Variants in EXOC4 observed in about 807,000 individuals in gnomAD.
The protein encoded by EXOC4 is SEC8-like 1.
Under a neutral mutation model 107.2 loss-of-function variants are expected in EXOC4, and 71 were observed. The observed-to-expected ratio is 0.66, with a 90% confidence interval of 0.55 to 0.81. The LOEUF (loss-of-function observed/expected upper bound fraction) is 0.81. Ranked by LOEUF, EXOC4 falls within the 30% of genes least tolerant of loss-of-function variation. EXOC4 has a pLI of 0.00. For synonymous variants in EXOC4, 456 were observed against 441.2 expected (o/e 1.03, Z -0.42); for missense variants, 1,108 against 1,189.6 (o/e 0.93, Z 1.01).
At chr7:133,843,757 G>A (rs1798067544) in intron 11 of EXOC4, among the ~76,000 whole-genome samples, 1 of 152,070 alleles carries the variant, frequency 6.6e-6, no homozygotes, top group Non-Finnish European at 1.5e-5. Context: ...CAAGGGGAAG[G>A]CTTCCAGCTT....
At chr7:133,725,544 T>C (rs1249136695) in intron 10 of EXOC4, among the ~76,000 whole-genome samples, 1 of 152,022 alleles carries the variant, frequency 6.6e-6, no homozygotes, top group Non-Finnish European at 1.5e-5. Flanking sequence ...TCCAGCTAAT[T>C]TTTGTATTTT....
chr7:133,704,353 G>A (rs983328945), intron 10 of EXOC4, among the ~76,000 whole-genome samples: 1 of 152,034 alleles, frequency 6.6e-6, no homozygotes, highest in African/African-American at 2.4e-5. Flanking sequence ...TGTTCTTCAG[G>A]TCATATATGG....
chr7:133,335,241 A>G (rs183038755), intron 5 of EXOC4, among the ~76,000 whole-genome samples: 60 of 152,288 alleles, frequency 3.9e-4, no homozygotes, highest in African/African-American at 1.3e-3. Context: ...TACTGTGTCA[A>G]CCATTTCTAA....
chr7:133,323,454 A>G (rs978851810), intron 5 of EXOC4, among the ~76,000 whole-genome samples: 3 of 152,022 alleles, frequency 2.0e-5, no homozygotes, highest in African/African-American at 7.2e-5. Context: ...GCCTTTCTGG[A>G]TCTATTGAGA....
At chr7:133,517,460 T>C (rs1799898271) in intron 9 of EXOC4, among the ~76,000 whole-genome samples, 2 of 152,186 alleles carry the variant, frequency 1.3e-5, no homozygotes, top group African/African-American at 4.8e-5. Flanking sequence ...ATGCCGCTGA[T>C]AAAGGCATAC....
chr7:134,088,650 T>C, the EXOC4 span, among the ~76,000 whole-genome samples: 11 of 152,170 alleles, frequency 7.2e-5, no homozygotes, highest in African/African-American at 2.4e-4. Flanking sequence ...TCCAAAGTTA[T>C]CAGAAAACTG....
intron 13 of EXOC4, chr7:133,930,404 A>G (rs779704544): frequency 6.6e-6 from 1 of 152,232 alleles, no homozygotes; most frequent in Non-Finnish European, 1.5e-5. Context: ...AAACTCATAG[A>G]GCATTTCCAT....
At position 133,484,220 on chromosome 7, in the gene EXOC4, A is replaced by T. The variant is rs1316104092; in HGVS notation, c.1417+4082A>T. On this transcript the variant is annotated intron_variant, in intron 9 of 17. Coordinates refer to ENST00000253861, the MANE Select transcript of EXOC4 (RefSeq NM_021807.4). ...AAATGAGATTTCTTTGGTGTTATCA[A>T]TGCATCTCAATAGGCTCTAACTGTT... The T allele has an allele frequency of 5.5e-6, 8 of 1,460,540 alleles. No homozygotes were observed. In the East Asian group the frequency reaches 1.2e-4, roughly 23 times the overall value. 90.5% of individuals were successfully genotyped at this position (1,460,540 alleles called of 1,614,324 possible). A position where few individuals can be genotyped will look rare whatever the true frequency, so the allele number is the denominator to read the frequency against.
chr7:133,573,410 G>A (rs1801065513), intron 9 of EXOC4, among the ~76,000 whole-genome samples: 1 of 152,166 alleles, frequency 6.6e-6, no homozygotes, highest in Non-Finnish European at 1.5e-5. Context: ...CAGATAGTAT[G>A]CTTAGGATAG....
intron 9 of EXOC4, chr7:133,484,211 G>A (rs1799222626): frequency 2.0e-6 from 3 of 1,492,692 alleles, no homozygotes; most frequent in South Asian, 2.7e-5. Flanking sequence ...GATTTCTTTG[G>A]TGTTATCAAT....
intron 6 of EXOC4, among the ~76,000 whole-genome samples, chr7:133,360,567 A>C (rs28576604): frequency 1.4e-3 from 213 of 152,352 alleles, no homozygotes; most frequent in African/African-American, 4.8e-3. Context: ...TGTTATGAAG[A>C]AAAAGATTAA....
At chr7:133,460,217 C>G (rs1276181697) in intron 7 of EXOC4, among the ~76,000 whole-genome samples, 1 of 152,154 alleles carries the variant, frequency 6.6e-6, no homozygotes, top group Non-Finnish European at 1.5e-5. Flanking sequence ...ATGTGCAGTT[C>G]ACAGTAGGGT....
intron 9 of EXOC4, among the ~76,000 whole-genome samples, chr7:133,584,869 C>T (rs1426875663): frequency 6.6e-6 from 1 of 152,118 alleles, no homozygotes; most frequent in Non-Finnish European, 1.5e-5. Context: ...AGCCACCGTG[C>T]CTGGTCCAGA....
At chr7:133,799,221 C>T (rs2551013) in intron 10 of EXOC4, among the ~76,000 whole-genome samples, 150,245 of 152,258 alleles carry the variant, frequency 0.99, 74,172 homozygotes, top group Middle Eastern at 1. Context: ...AAAGAGGTAT[C>T]CCCCCTGTGA....
intron 9 of EXOC4, among the ~76,000 whole-genome samples, chr7:133,548,477 G>T (rs1008118415): frequency 1.3e-5 from 2 of 152,114 alleles, no homozygotes; most frequent in Non-Finnish European, 2.9e-5. Flanking sequence ...GTTCTAGATG[G>T]CATCTTCTTC....
intron 14 of EXOC4, among the ~76,000 whole-genome samples, chr7:133,971,361 T>TAGAGAGAGAGAGAGAGAGAG (rs1186165891): frequency 1.3e-5 from 1 of 75,090 alleles, no homozygotes; most frequent in African/African-American, 6.1e-5. Flanking sequence ...TATATATATA[T>TAGAGAGAGAGAGAGAGAGAG]AGAGAGAGAG....
chr7:133,849,630 C>T (rs538608052), intron 11 of EXOC4, among the ~76,000 whole-genome samples: 3 of 152,320 alleles, frequency 2.0e-5, no homozygotes, highest in Non-Finnish European at 2.9e-5. Flanking sequence ...GAGCCAGCTC[C>T]AGCACATCAC....
At chr7:133,673,984 ATG>A (rs1416078683) in intron 10 of EXOC4, among the ~76,000 whole-genome samples, 2 of 152,194 alleles carry the variant, frequency 1.3e-5, no homozygotes, top group African/African-American at 4.8e-5. Context: ...CTAGGGTTGT[ATG>A]GTGCCCTATT....
chr7:133,370,375 T>C (rs1248638374), intron 6 of EXOC4, among the ~76,000 whole-genome samples: 5 of 152,044 alleles, frequency 3.3e-5, no homozygotes, highest in Admixed American at 2.6e-4. Flanking sequence ...AAAATATACA[T>C]TGGTTTCGTC....
Sources: gnomAD v4.1 joint callset for allele counts (sites outside exome capture counted in the v4.1 genomes callset) on GRCh38, gnomAD v4.1.1 for gene constraint, MANE v1.5 for transcripts, NCBI Gene and HGNC (gene_info 2026-07-23, HGNC 2026-07-21) for gene names.